The following ZNF638 variants were observed in gnomAD, a reference collection of about 807,000 sequenced individuals.
ZNF638 encodes zinc finger protein 638.
ZNF638 carries 46 observed loss-of-function variants against 195.6 expected under a neutral mutation model. That is an observed-to-expected ratio of 0.24 (90% CI 0.19 to 0.30). The LOEUF (loss-of-function observed/expected upper bound fraction) is 0.30. Among genes scored for constraint, ZNF638 ranks in the 10% least tolerant of loss-of-function variants. The pLI, the probability that ZNF638 is intolerant of heterozygous loss-of-function variation, is 1.00. For synonymous variants in ZNF638, 845 were observed against 772.0 expected, an observed-to-expected ratio of 1.09 and a Z score of -1.57; for missense variants, 2,440 against 2,325.3, an observed-to-expected ratio of 1.05 and a Z score of -1.01.
Position 71,339,462 on chromosome 2 carries a change from A to G in ZNF638, c.-203+7587A>G, listed in dbSNP as rs374402864. 4.6e-5 allele frequency among the ~76,000 whole-genome samples: 7 copies of G among 152,144 alleles called. No individual in the cohort carries two copies. In the South Asian group the frequency reaches 1.0e-3, roughly 22 times the overall value. ...CACCGCGCCCGGCCAGTTTAGGTAT[A>G]TTTAATTGAAGATTTTAGAACCCAC... On this transcript the variant is annotated intron_variant, in intron 1 of 27. Transcript: ENST00000264447.
At chr2:71,378,026 T>C (rs2079465938) in intron 8 of ZNF638, among the ~76,000 whole-genome samples, 1 of 152,210 alleles carries the variant, frequency 6.6e-6, no homozygotes, top group African/African-American at 2.4e-5. Context: ...TAGAAGATAT[T>C]TCACTAATAC....
intron 20 of ZNF638, chr2:71,408,608 G>C (rs1320233050): frequency 3.5e-6 from 1 of 285,846 alleles, no homozygotes; most frequent in African/African-American, 2.3e-5. Context: ...TCTTCTTTTT[G>C]TTTCAGTTAC....
intron 12 of ZNF638, among the ~76,000 whole-genome samples, chr2:71,399,008 A>G (rs559956196): frequency 6.6e-6 from 1 of 152,284 alleles, no homozygotes; most frequent in Non-Finnish European, 1.5e-5. Context: ...ACAGCTTTGT[A>G]ATCACAGGTT....
At position 71,408,011 on chromosome 2, in the gene ZNF638, G is replaced by A. The variant is rs2080139668; in HGVS notation, c.3136-111G>A. 5.2e-6 allele frequency: 5 copies of A among 963,786 alleles called. 1 individual carries two copies. Among genetic ancestry groups the A allele is most frequent in the Middle Eastern group, 3.2e-4 (1 of 3,088 alleles). 59.7% of individuals were successfully genotyped at this position (963,786 alleles called of 1,614,324 possible). On this transcript the variant is annotated intron_variant, in intron 19 of 27. Coordinates refer to ENST00000264447, the MANE Select transcript of ZNF638 (RefSeq NM_014497.5). ...TGTACAAATACATGTTTAAGTATCG[G>A]CTTTCATTCCTTTTAGGTGTATACT... is the stretch of plus-strand genomic sequence containing the variant.
rs780985665 is a variant in ZNF638, at chr2:71,349,658, C to T, written c.704C>T (p.Thr235Ile). The change falls in exon 2 of 28, where the codon ACT (threonine) becomes ATT (isoleucine). Residue 235 changes from threonine (T) to isoleucine (I), a missense_variant. Thr to Ile is a moderately conservative substitution (Grantham distance 89, BLOSUM62 -1). Around this residue, in one of 5 missense-constraint regions of ZNF638, gnomAD observed 305 missense variants for 283.6 expected, o/e 1.08. Transcript: ENST00000264447. ...CGTATTTATGATCCTGAAATTCCAACTGATGAGGTCGAGAATGAATTTCAG... is the reference window on the plus strand; with the variant it reads ...CGTATTTATGATCCTGAAATTCCAATTGATGAGGTCGAGAATGAATTTCAG... ...EVRIYDPEIP[T>I]DEVENEFQSQ... 8.1e-6 allele frequency: 13 copies of T among 1,614,168 alleles called. No homozygotes were observed. Among genetic ancestry groups the T allele is most frequent in the Non-Finnish European group, 1.1e-5 (13 of 1,180,014 alleles).
chr2:71,408,382 T>G, intron 20 of ZNF638, 135 bp downstream of exon 20: 1 of 1,110,350 alleles, frequency 9.0e-7, no homozygotes, highest in Non-Finnish European at 1.2e-6. Context: ...AGTGTTCCAA[T>G]TTTCATAGTT....
At chr2:71,388,299 C>T (rs376095026) in intron 10 of ZNF638, 19 of 411,062 alleles carry the variant, frequency 4.6e-5, no homozygotes, top group African/African-American at 1.4e-4. Flanking sequence ...TTACTTTTGC[C>T]GACCTTTGAT....
intron 16 of ZNF638, among the ~76,000 whole-genome samples, chr2:71,403,274 A>G (rs2080042428): frequency 2.0e-5 from 3 of 152,208 alleles, no homozygotes; most frequent in Non-Finnish European, 1.5e-5. Context: ...ATTCATTTCA[A>G]ATAGGCTTAC....
rs763553100 is a variant in ZNF638 at position 71,424,027 on chromosome 2, A to G, written c.4513A>G (p.Ser1505Gly). 9.3e-6 allele frequency: 15 copies of G among 1,613,344 alleles called. No homozygotes were observed. In the East Asian group the frequency reaches 1.3e-4, roughly 14 times the overall value. Residue 1505 changes from serine to glycine, a missense_variant, in exon 22 of 28, where the codon AGC becomes GGC. Physicochemically the swap from Ser to Gly is moderately conservative, Grantham distance 56. Transcript: ENST00000264447. ...ACCTTCCATCATGAAACGGGATGAC[A>G]GCAACAATAAGGTGAGGAGGGTAGG... The part of the protein sequence containing the change: ...ARPSIMKRDD[S>G]NNKTLAEQNT...
intron 8 of ZNF638, among the ~76,000 whole-genome samples, chr2:71,378,393 A>G (rs1284524276): frequency 6.6e-6 from 1 of 152,238 alleles, no homozygotes; most frequent in Admixed American, 6.5e-5. Context: ...ATAAAATCCC[A>G]TATAGTGCAA....
In ZNF638 at chr2:71,423,776, T is replaced by C. The variant is rs774108332; in HGVS notation, c.4262T>C (p.Val1421Ala). 1 of 1,614,022 alleles carries C rather than the reference T, an allele frequency of 6.2e-7. No homozygotes were observed. Among genetic ancestry groups the C allele is most frequent in the Admixed American group, 1.7e-5 (1 of 60,018 alleles). Residue 1421 changes from valine to alanine, a missense_variant, in exon 22 of 28, where the codon GTG becomes GCG. Around this residue, in one of 5 missense-constraint regions of ZNF638, gnomAD observed 1,883 missense variants for 1,739.1 expected, o/e 1.08. Coordinates refer to ENST00000264447, the MANE Select transcript of ZNF638 (RefSeq NM_014497.5). ...TENQKSFPKS[V>A]PRDQINAEKK... is the part of the protein sequence containing the mutation. ...AATCAGAAAAGTTTTCCAAAATCTG[T>C]GCCCAGAGATCAAATAAATGCTGAA...
At chr2:71,360,162 C>A (rs1309475875) in intron 3 of ZNF638, among the ~76,000 whole-genome samples, 2 of 152,100 alleles carry the variant, frequency 1.3e-5, no homozygotes, top group African/African-American at 4.8e-5. Flanking sequence ...AAAAAATTTT[C>A]AGAATAAAAT....
intron 10 of ZNF638, chr2:71,393,487 G>C (rs775903925): frequency 2.8e-6 from 2 of 717,592 alleles, no homozygotes; most frequent in Non-Finnish European, 5.2e-6. Flanking sequence ...GATCCTGCAG[G>C]ACCCGCAGCT....
Position 71,426,680 on chromosome 2 carries a change from T to C in ZNF638, c.4811T>C (p.Ile1604Thr), listed in dbSNP as rs754805237. The change falls in exon 24 of 28, where the codon ATT (isoleucine) becomes ACT (threonine). Residue 1604 changes from isoleucine (I) to threonine (T), a missense_variant. Coordinates refer to ENST00000264447, the MANE Select transcript of ZNF638 (RefSeq NM_014497.5). ...GELSFVTLDE[I>T]GEEEDAAAHL... ...CTATCTTTTGTGACATTGGATGAGA[T>C]TGGGGAAGAGGAAGATGCAGCTGCA... 4.3e-6 allele frequency: 7 copies of C among 1,614,042 alleles called. No individual in the cohort carries two copies. Among genetic ancestry groups the C allele is most frequent in the South Asian group, 3.3e-5 (3 of 91,094 alleles).
intron 27 of ZNF638, chr2:71,433,511 T>A: frequency 2.2e-6 from 1 of 449,360 alleles, no homozygotes; most frequent in South Asian, 3.1e-5. Flanking sequence ...AGATCACTAG[T>A]CTCATATGAC....
At chr2:71,333,218 T>A (rs78437008) in intron 1 of ZNF638, 92 of 152,384 alleles carry the variant, frequency 6.0e-4, no homozygotes, top group African/African-American at 2.1e-3. Flanking sequence ...CATTTTATAT[T>A]TTATTTTGTA....
At chr2:71,431,759 C>CAAA (rs67530729) in intron 26 of ZNF638, among the ~76,000 whole-genome samples, 1 of 102,226 alleles carries the variant, frequency 9.8e-6, no homozygotes, top group Non-Finnish European at 2.1e-5. Flanking sequence ...GACTCCGTCT[C>CAAA]AAAAAAAAAA....
rs553331049 is a variant in ZNF638 at position 71,425,184 on chromosome 2, A to G, written c.4590+469A>G. On this transcript the variant is annotated intron_variant, in intron 23 of 27. Coordinates refer to ENST00000264447, the MANE Select transcript of ZNF638 (RefSeq NM_014497.5). ...AGTTCTGTTGTCAAACATATTTTAT[A>G]TTTGGTTGTTATTTTAGGTTTTTAC... is the stretch of plus-strand genomic sequence containing the variant. Among the ~76,000 whole-genome samples the G allele has an allele frequency of 1.9e-4, 29 of 152,194 alleles. No homozygotes were observed. The East Asian group carries it at 5.6e-3, about 29-fold the overall frequency.
At chr2:71,392,654 C>T (rs549134136) in intron 10 of ZNF638, among the ~76,000 whole-genome samples, 21 of 152,212 alleles carry the variant, frequency 1.4e-4, no homozygotes, top group African/African-American at 3.6e-4. Flanking sequence ...CAGCTTATGA[C>T]GTCACTGCTT....
Sources: gnomAD v4.1 joint callset for allele counts (sites outside exome capture counted in the v4.1 genomes callset) on GRCh38, gnomAD v4.1.1 for gene constraint, gnomAD v4.1.1 regional missense constraint, MANE v1.5 for transcripts, NCBI Gene and HGNC (gene_info 2026-07-23, HGNC 2026-07-21) for gene names.